DIP2B: variants seen among roughly 807,000 people sequenced by gnomAD.
DIP2B encodes the protein DIP2 acetate--CoA ligase B (putative).
DIP2B carries 76 observed loss-of-function variants against 198.0 expected under a neutral mutation model. That is an observed-to-expected ratio of 0.38 (90% CI 0.32 to 0.46). The LOEUF is 0.46. Among genes scored for constraint, DIP2B ranks in the 20% least tolerant of loss-of-function variants. DIP2B has a pLI of 0.99. For missense variants in DIP2B, 1,559 were observed against 1,978.4 expected (o/e 0.79, Z 4.02); for synonymous variants, 701 against 739.1 (o/e 0.95, Z 0.84).
chr12:50,537,494 G>A (rs879298932), intron 1 of DIP2B, among the ~76,000 whole-genome samples: 1 of 152,044 alleles, frequency 6.6e-6, no homozygotes, highest in Non-Finnish European at 1.5e-5. Context: ...GGGGTGAAGA[G>A]TTTAATTTTG....
chr12:50,535,512 G>A (rs1235681946), intron 1 of DIP2B, among the ~76,000 whole-genome samples: 2 of 151,396 alleles, frequency 1.3e-5, no homozygotes, highest in Non-Finnish European at 2.9e-5. Context: ...CATCACAGGC[G>A]CCCACCACCA....
intron 1 of DIP2B, among the ~76,000 whole-genome samples, chr12:50,616,219 T>G (rs1937698540): frequency 6.6e-6 from 1 of 152,254 alleles, no homozygotes; most frequent in Non-Finnish European, 1.5e-5. Flanking sequence ...CTCTAGTTCT[T>G]GACATGGAAA....
At chr12:50,696,100 TA>T in intron 16 of DIP2B, 133 bp downstream of exon 16, 1 of 1,368,982 alleles carries the variant, frequency 7.3e-7, no homozygotes, top group Admixed American at 2.2e-5. Context: ...GTGGTTTTGG[TA>T]TATTCACGAG....
intron 2 of DIP2B, among the ~76,000 whole-genome samples, chr12:50,639,276 A>G (rs1030283828): frequency 5.9e-5 from 9 of 151,894 alleles, no homozygotes; most frequent in African/African-American, 2.2e-4. Context: ...ATTTTGCTCT[A>G]TATGGTTGCC....
chr12:50,611,196 G>A (rs1361896682), intron 1 of DIP2B, among the ~76,000 whole-genome samples: 3 of 152,148 alleles, frequency 2.0e-5, no homozygotes, highest in Admixed American at 2.0e-4. Flanking sequence ...AAACATTGGC[G>A]GATAGGTGTT....
intron 28 of DIP2B, 66 bp from the exon 29 acceptor site, chr12:50,727,637 A>G (rs938147696): frequency 1.4e-6 from 2 of 1,467,146 alleles, no homozygotes; most frequent in African/African-American, 1.4e-5. Flanking sequence ...GCAAAGCCAC[A>G]GAAGAGCAAT....
In DIP2B at chr12:50,505,022, C is replaced by CGGTGCTGGT. The variant is rs1251696124; in HGVS notation, c.-112_-104dup. The stretch of plus-strand genomic sequence containing the variant: ...CTCATGGCGGCGGCGGCGGCGGCGG[C>CGGTGCTGGT]GGTGCTGGTGGTGCTCGGCGGCCGG... On this transcript the variant is annotated 5_prime_UTR_variant, in exon 1 of 38. Coordinates refer to ENST00000301180, the MANE Select transcript of DIP2B (RefSeq NM_173602.3). The CGGTGCTGGT allele has an allele frequency of 9.0e-6, 9 of 1,001,260 alleles. No individual in the cohort carries two copies. Among genetic ancestry groups the CGGTGCTGGT allele is most frequent in the Non-Finnish European group, 1.2e-5 (8 of 692,102 alleles). The allele number at this position is 1,001,260 out of a possible 1,614,324, so 62.0% of individuals were successfully genotyped here.
chr12:50,557,203 A>C (rs997264026), intron 1 of DIP2B, among the ~76,000 whole-genome samples: 1 of 152,222 alleles, frequency 6.6e-6, no homozygotes, highest in African/African-American at 2.4e-5. Context: ...TGGAGATAAT[A>C]AGCTCTTCCT....
intron 28 of DIP2B, among the ~76,000 whole-genome samples, chr12:50,725,740 C>T (rs1008958922): frequency 2.6e-5 from 4 of 152,058 alleles, no homozygotes; most frequent in African/African-American, 9.7e-5. Context: ...CTATTTTTAT[C>T]CTCATTTTGC....
At chr12:50,676,690 G>A (rs1296743645) in intron 7 of DIP2B, among the ~76,000 whole-genome samples, 1 of 152,178 alleles carries the variant, frequency 6.6e-6, no homozygotes, top group Non-Finnish European at 1.5e-5. Context: ...CTTTGGAAAA[G>A]AAAAATACCA....
At chr12:50,588,910 C>T (rs905157296) in intron 1 of DIP2B, among the ~76,000 whole-genome samples, 7 of 152,178 alleles carry the variant, frequency 4.6e-5, no homozygotes, top group African/African-American at 1.7e-4. Context: ...TTGTGCTGGG[C>T]GCGGTGGCTC....
chr12:50,723,576 G>A (rs2139589237), intron 27 of DIP2B, among the ~76,000 whole-genome samples: 1 of 152,228 alleles, frequency 6.6e-6, no homozygotes, highest in East Asian at 1.9e-4. Flanking sequence ...GCAGCCATTA[G>A]TATTTCTACA....
chr12:50,623,435 A>ACT (rs1196429206), intron 1 of DIP2B, among the ~76,000 whole-genome samples: 18 of 41,368 alleles, frequency 4.4e-4, no homozygotes, highest in African/African-American at 1.6e-3. Context: ...ACACACACAC[A>ACT]CACTCTCTCT....
In DIP2B at chr12:50,674,497, G is replaced by A. The variant is rs1250857899; in HGVS notation, c.664G>A (p.Val222Ile). The change falls in exon 6 of 38, where the codon GTC becomes ATC. Residue 222 changes from valine (V) to isoleucine (I), a missense_variant. By Grantham distance (29) the Val-to-Ile change is conservative (BLOSUM62 3). Transcript: ENST00000301180. The part of the protein sequence containing the change: ...RIENFSAPPD[V>I]TTTTSSSSSS... ...AGAGAATTTCTCTGCTCCTCCTGATGTCACTACAACTACCTCTTCCTCCTC... is the reference window on the plus strand; with the variant it reads ...AGAGAATTTCTCTGCTCCTCCTGATATCACTACAACTACCTCTTCCTCCTC... The A allele has an allele frequency of 5.6e-6, 9 of 1,614,140 alleles. No homozygotes were observed. The South Asian group carries it at 9.9e-5, about 18-fold the overall frequency.
Position 50,505,019 on chromosome 12 carries a change from C to T in DIP2B, c.-122C>T, listed in dbSNP as rs868685909. 2.5e-5 allele frequency: 25 copies of T among 1,004,736 alleles called. No homozygotes were observed. Among genetic ancestry groups the T allele is most frequent in the Admixed American group, 4.9e-5 (2 of 40,890 alleles). 62.2% of individuals were successfully genotyped at this position (1,004,736 alleles called of 1,614,324 possible). ...TTGCTCATGGCGGCGGCGGCGGCGG[C>T]GGCGGTGCTGGTGGTGCTCGGCGGC... On this transcript the variant is annotated 5_prime_UTR_variant, in exon 1 of 38. Transcript: ENST00000301180.
chr12:50,525,584 C>G (rs1289246932), intron 1 of DIP2B, among the ~76,000 whole-genome samples: 1 of 149,052 alleles, frequency 6.7e-6, no homozygotes, highest in Admixed American at 6.8e-5. Flanking sequence ...GTACATGGAG[C>G]TCACTGCAGC....
intron 18 of DIP2B, 146 bp from the exon 19 acceptor site, chr12:50,698,920 G>T: frequency 1.2e-6 from 1 of 852,168 alleles, no homozygotes; most frequent in Non-Finnish European, 1.8e-6. Flanking sequence ...TGTAGTTTCA[G>T]GTTTATGTTT....
At chr12:50,594,580 G>A (rs1434085056) in intron 1 of DIP2B, among the ~76,000 whole-genome samples, 1 of 152,126 alleles carries the variant, frequency 6.6e-6, no homozygotes, top group African/African-American at 2.4e-5. Context: ...CTTGGTACGT[G>A]TATTACCTCA....
intron 23 of DIP2B, among the ~76,000 whole-genome samples, chr12:50,717,470 A>C (rs1462262277): frequency 7.0e-6 from 1 of 143,808 alleles, no homozygotes; most frequent in Non-Finnish European, 1.5e-5. Flanking sequence ...GGTTGACGCC[A>C]TTCTCCTGCC....
Sources: gnomAD v4.1 joint callset for allele counts (sites outside exome capture counted in the v4.1 genomes callset) on GRCh38, gnomAD v4.1.1 for gene constraint, MANE v1.5 for transcripts, NCBI Gene and HGNC (gene_info 2026-07-23, HGNC 2026-07-21) for gene names.